Variants in CWH43 observed in about 807,000 individuals in gnomAD.
CWH43 encodes cell wall biogenesis 43 C-terminal homolog, also known as PGAP2-interacting protein.
A neutral mutation model predicts 85.7 loss-of-function variants in CWH43; 91 were observed. The ratio of observed to expected loss-of-function variants is 1.06; its 90% CI spans 0.90 to 1.26. The LOEUF (loss-of-function observed/expected upper bound fraction) is 1.26, where lower values mean the gene tolerates loss of function less well. Ranked by LOEUF, CWH43 falls within the 50% of genes most tolerant of loss-of-function variation. The pLI, the probability that CWH43 is intolerant of heterozygous loss-of-function variation, is 0.00. For missense variants in CWH43, 869 were observed against 839.2 expected (o/e 1.04, Z -0.44); for synonymous variants, 323 against 293.6 (o/e 1.10, Z -1.02).
chr4:48,989,364 C>T (rs546377519), intron 2 of CWH43, among the ~76,000 whole-genome samples: 11 of 152,278 alleles, frequency 7.2e-5, no homozygotes, highest in Admixed American at 6.5e-4. Flanking sequence ...GGCACTCATA[C>T]ATTGCTTGTG....
chr4:49,001,610 C>T (rs530657850), intron 6 of CWH43, among the ~76,000 whole-genome samples: 13 of 152,106 alleles, frequency 8.5e-5, no homozygotes, highest in East Asian at 5.8e-4. Context: ...AAATGGGTTA[C>T]GGGTCAGAAA....
chr4:49,043,388 T>C (rs1784527477), intron 13 of CWH43, among the ~76,000 whole-genome samples: 1 of 152,210 alleles, frequency 6.6e-6, no homozygotes, highest in Admixed American at 6.5e-5. Context: ...ATATGGTGTG[T>C]GTGCATGTGC....
At chr4:49,040,643 G>A (rs1373603284) in intron 13 of CWH43, among the ~76,000 whole-genome samples, 3 of 151,940 alleles carry the variant, frequency 2.0e-5, no homozygotes, top group South Asian at 2.1e-4. Flanking sequence ...CTGGATATTA[G>A]CCCTTTGTCA....
intron 14 of CWH43, among the ~76,000 whole-genome samples, chr4:49,045,291 C>T (rs944523664): frequency 6.6e-6 from 1 of 152,046 alleles, no homozygotes; most frequent in Non-Finnish European, 1.5e-5. Flanking sequence ...CTGTAGTGAG[C>T]TCTATAGGTA....
intron 9 of CWH43, among the ~76,000 whole-genome samples, chr4:49,017,651 G>A (rs184270232): frequency 3.4e-4 from 52 of 152,184 alleles, no homozygotes; most frequent in Non-Finnish European, 5.6e-4. Context: ...ACTTGAGACC[G>A]GGTAATTTAT....
At chr4:49,009,918 G>T (rs941320770) in intron 8 of CWH43, among the ~76,000 whole-genome samples, 1 of 152,170 alleles carries the variant, frequency 6.6e-6, no homozygotes, top group Admixed American at 6.5e-5. Context: ...GTATATCAGG[G>T]ATATTGGTTT....
At chr4:49,061,390 TTAAA>T (rs552073515) in intron 15 of CWH43, among the ~76,000 whole-genome samples, 1 of 152,240 alleles carries the variant, frequency 6.6e-6, no homozygotes, top group Non-Finnish European at 1.5e-5. Context: ...AGCTGTATAA[TTAAA>T]TAGTTATTCA....
chr4:49,004,088 A>G, intron 7 of CWH43, 96 bp downstream of exon 7: 2 of 1,133,200 alleles, frequency 1.8e-6, no homozygotes, highest in Non-Finnish European at 2.4e-6. Context: ...GGTGGAAATA[A>G]GCAGGATGAT....
At chr4:49,051,706 A>G (rs1240668764) in intron 15 of CWH43, among the ~76,000 whole-genome samples, 2 of 152,068 alleles carry the variant, frequency 1.3e-5, no homozygotes, top group African/African-American at 2.4e-5. Context: ...CCTCCTGAGT[A>G]GCTGGGACTA....
intron 9 of CWH43, among the ~76,000 whole-genome samples, chr4:49,026,961 T>C (rs1318206666): frequency 6.6e-6 from 1 of 152,226 alleles, no homozygotes; most frequent in African/African-American, 2.4e-5. Flanking sequence ...AAGGAATCTC[T>C]AAACTGTTTT....
At chr4:49,046,486 G>T (rs1410150836) in intron 14 of CWH43, among the ~76,000 whole-genome samples, 1 of 152,080 alleles carries the variant, frequency 6.6e-6, no homozygotes, top group African/African-American at 2.4e-5. Context: ...GATAAGAAAT[G>T]ACAAGCTATG....
chr4:49,015,242 TA>T (rs1783508251), intron 8 of CWH43, among the ~76,000 whole-genome samples: 2 of 152,136 alleles, frequency 1.3e-5, no homozygotes, highest in East Asian at 1.9e-4. Flanking sequence ...TTCTTTTTGA[TA>T]TTTTTTTCAT....
chr4:49,049,879 T>A (rs1299327558), intron 14 of CWH43, among the ~76,000 whole-genome samples: 1 of 152,218 alleles, frequency 6.6e-6, no homozygotes, highest in African/African-American at 2.4e-5. Context: ...CAGTGCTTAC[T>A]TATCTATCAC....
Position 49,038,167 on chromosome 4 carries a change from A to G in CWH43, c.1790A>G (p.His597Arg). 6.3e-7 allele frequency: 1 copy of G among 1,580,738 alleles called. No individual in the cohort carries two copies. The highest frequency in any genetic ancestry group is 1.2e-5 in the South Asian group (1 of 84,602). ...GSRDYLQLTEHGNVKDIDSTD... is the reference protein window; with the variant it reads ...GSRDYLQLTERGNVKDIDSTD... ...AGAGATTATCTACAGCTCACTGAAC[A>G]TGGCAATGTGAAGGTAACATAATCT... Residue 597 changes from histidine (H) to arginine (R), a missense_variant, in exon 13 of 16, where the codon CAT (histidine) becomes CGT (arginine). His to Arg is a conservative substitution (Grantham distance 29). Around this residue, in one of 3 missense-constraint regions of CWH43, gnomAD observed 577 missense variants for 513.1 expected, o/e 1.12. Transcript: ENST00000226432.
chr4:48,986,350 G>C lies in CWH43; in HGVS notation c.-80G>C. 1 of 1,385,562 alleles carries C rather than the reference G, an allele frequency of 7.2e-7. No homozygotes were observed. The highest frequency in any genetic ancestry group is 1.5e-5 in the African/African-American group (1 of 68,452). The allele number at this position is 1,385,562 out of a possible 1,614,324, so 85.8% of individuals were successfully genotyped here. A position where few individuals can be genotyped will look rare whatever the true frequency, so the allele number is the denominator to read the frequency against. On this transcript the variant is annotated 5_prime_UTR_variant, in exon 1 of 16. Transcript: ENST00000226432. ...CGCAGGCCCGGGAGGACGCGGCGGC[G>C]GGAACCTGGGGGCGCAGGGCTAGGG... is the stretch of plus-strand genomic sequence containing the variant.
In CWH43 at chr4:49,051,370, C is replaced by T. The variant is rs115455648; in HGVS notation, c.2021+521C>T. 8.4e-3 allele frequency among the ~76,000 whole-genome samples: 1,272 copies of T among 152,276 alleles called. 12 individuals carry two copies. Among genetic ancestry groups the T allele is most frequent in the African/African-American group, 0.025 (1,043 of 41,560 alleles). On this transcript the variant is annotated intron_variant, in intron 15 of 15. Coordinates refer to ENST00000226432, the MANE Select transcript of CWH43 (RefSeq NM_025087.3). ...GGGTTGCTGGTATTCTCAGCTCTGGCTGCACATTAGATTCACCTGGACAGC... is the reference window on the plus strand; with the variant it reads ...GGGTTGCTGGTATTCTCAGCTCTGGTTGCACATTAGATTCACCTGGACAGC...
intron 12 of CWH43, 82 bp downstream of exon 12, chr4:49,032,797 CT>C: frequency 1.3e-6 from 2 of 1,487,100 alleles, no homozygotes; most frequent in East Asian, 2.3e-5. Flanking sequence ...ATGAAATCAC[CT>C]TTCTCATTTT....
chr4:49,040,696 C>G lies in CWH43; in HGVS notation c.1803+2516C>G, dbSNP rs1254849367. Among the ~76,000 whole-genome samples the G allele has an allele frequency of 6.6e-5, 10 of 152,002 alleles. 1 individual carries two copies. Among genetic ancestry groups the G allele is most frequent in the Non-Finnish European group, 2.9e-5 (2 of 67,996 alleles). On this transcript the variant is annotated intron_variant, in intron 13 of 15. Transcript: ENST00000226432. ...AATTTTCTCCCATTCTGTAGGTTGC[C>G]TGTTCACTCTGATGGTAGTTTCCTT...
intron 13 of CWH43, among the ~76,000 whole-genome samples, chr4:49,042,836 A>T (rs937840413): frequency 6.6e-6 from 1 of 152,222 alleles, no homozygotes; most frequent in African/African-American, 2.4e-5. Context: ...TCAGTTATTT[A>T]TCACTGTGTA....
Sources: gnomAD v4.1 joint callset for allele counts (sites outside exome capture counted in the v4.1 genomes callset) on GRCh38, gnomAD v4.1.1 for gene constraint, gnomAD v4.1.1 regional missense constraint, MANE v1.5 for transcripts, NCBI Gene and HGNC (gene_info 2026-07-23, HGNC 2026-07-21) for gene names.